Variants in INPP5B observed in about 807,000 individuals in gnomAD.
INPP5B encodes the protein inositol polyphosphate-5-phosphatase B.
A neutral mutation model predicts 118.5 loss-of-function variants in INPP5B; 90 were observed. The observed-to-expected ratio is 0.76, with a 90% CI of 0.64 to 0.90. The LOEUF (loss-of-function observed/expected upper bound fraction) is 0.90, where lower values mean the gene tolerates loss of function less well. Among genes scored for constraint, INPP5B ranks in the 40% least tolerant of loss-of-function variants. The pLI, the probability that INPP5B is intolerant of heterozygous loss-of-function variation, is 0.00. For synonymous variants in INPP5B, 385 were observed against 418.9 expected, an observed-to-expected ratio of 0.92 and a Z score of 0.99; for missense variants, 984 against 1,125.6, an observed-to-expected ratio of 0.87 and a Z score of 1.80.
At chr1:37,900,263 T>G (rs1307671624) in intron 7 of INPP5B, among the ~76,000 whole-genome samples, 1 of 147,208 alleles carries the variant, frequency 6.8e-6, no homozygotes, top group African/African-American at 2.5e-5. Flanking sequence ...TGTTTTCGGT[T>G]TTTTTTTTTT....
chr1:37,872,966 T>G lies in INPP5B; in HGVS notation c.2151A>C (p.Pro717=). The part of the protein sequence containing the change: ...PIHTLCYMRE[P]ILDLPLETIS... Reference sequence around the variant, plus strand: ...TGGTTTCAAGTGGTAGGTCCAAGATTGGCTCTCTCATGTAACACAGTGTAT... The same window carrying G: ...TGGTTTCAAGTGGTAGGTCCAAGATGGGCTCTCTCATGTAACACAGTGTAT... Residue 717 remains proline, a synonymous_variant, in exon 19 of 24, where the codon CCA becomes CCC. Transcript: ENST00000373024. 6.2e-7 allele frequency: 1 copy of G among 1,614,142 alleles called. No individual in the cohort carries two copies. The highest frequency in any genetic ancestry group is 8.5e-7 in the Non-Finnish European group (1 of 1,180,006).
intron 7 of INPP5B, among the ~76,000 whole-genome samples, chr1:37,896,535 C>A (rs1570163545): frequency 7.0e-6 from 1 of 143,860 alleles, no homozygotes; most frequent in Non-Finnish European, 1.5e-5. Context: ...CTCTGCCCGG[C>A]CGCCCCTACT....
At chr1:37,930,682 A>C (rs1570358942) in intron 7 of INPP5B, 1 of 152,380 alleles carries the variant, frequency 6.6e-6, no homozygotes, top group Middle Eastern at 3.4e-3. Flanking sequence ...GATGGCTGCA[A>C]TGAAGGAGAA....
At position 37,945,836 on chromosome 1, in the gene INPP5B, C is replaced by A. The variant is rs1646091199; in HGVS notation, c.72G>T (p.Val24=). The A allele has an allele frequency of 1.9e-6, 3 of 1,613,984 alleles. No individual in the cohort carries two copies. The highest frequency in any genetic ancestry group is 2.5e-6 in the Non-Finnish European group (3 of 1,180,006). ...GEYCVIAVQG[V]LCEGDSRQSR... is the part of the protein sequence containing the mutation. ...TCTGCCGGCTGTCCCCCTCACACAG[C>A]ACACCTTGCACCGCCTGCGGCTCAG... is the stretch of plus-strand genomic sequence containing the variant. The change falls in exon 3 of 24, where the codon GTG becomes GTT. Residue 24 remains valine, a synonymous_variant. Transcript: ENST00000373024.
At chr1:37,889,991 CTAAT>C (rs1263235301) in intron 8 of INPP5B, among the ~76,000 whole-genome samples, 2 of 152,190 alleles carry the variant, frequency 1.3e-5, no homozygotes, top group Non-Finnish European at 2.9e-5. Flanking sequence ...TAAAGATAAT[CTAAT>C]TCCCTCAGTT....
Position 37,946,268 on chromosome 1 carries a change from C to A in INPP5B, c.41G>T (p.Gly14Val), listed in dbSNP as rs758512064. 3 of 1,611,690 alleles carry A rather than the reference C, an allele frequency of 1.9e-6. No homozygotes were observed. Among genetic ancestry groups the A allele is most frequent in the Non-Finnish European group, 2.5e-6 (3 of 1,178,996 alleles). Residue 14 changes from glycine (G) to valine (V), a missense_variant, in exon 2 of 24, where the codon GGG becomes GTG. Physicochemically the swap from Gly to Val is moderately radical, Grantham distance 109. Transcript: ENST00000373024. ...SVAIQETLAE[G>V]EYCVIAVQGV... ...GAAGGATATGATGACGCAGTATTCCCCCTCAGCCAGCGTCTCCTGGATTGC... is the reference window on the plus strand; with the variant it reads ...GAAGGATATGATGACGCAGTATTCCACCTCAGCCAGCGTCTCCTGGATTGC...
At chr1:37,876,045 C>G (rs1363248413) in intron 16 of INPP5B, among the ~76,000 whole-genome samples, 1 of 151,666 alleles carries the variant, frequency 6.6e-6, no homozygotes, top group Non-Finnish European at 1.5e-5. Context: ...TTGCTGCCAC[C>G]AACAGGCCAG....
At chr1:37,891,326 A>C in intron 8 of INPP5B, 32 bp downstream of exon 8, 3 of 1,520,404 alleles carry the variant, frequency 2.0e-6, no homozygotes, top group Non-Finnish European at 2.7e-6. Flanking sequence ...CCTCAGTCCT[A>C]CAAGGGACAA....
intron 2 of INPP5B, 90 bp from the exon 3 acceptor site, chr1:37,945,940 C>G: frequency 3.3e-6 from 4 of 1,210,302 alleles, no homozygotes; most frequent in Non-Finnish European, 1.2e-6. Flanking sequence ...CCTGCCCCCC[C>G]AGATTCACTG....
At chr1:37,863,102 G>A (rs1462462635) in intron 23 of INPP5B, among the ~76,000 whole-genome samples, 1 of 152,120 alleles carries the variant, frequency 6.6e-6, no homozygotes, top group African/African-American at 2.4e-5. Context: ...GTTGGAGGGT[G>A]TGGCCCGGTG....
intron 13 of INPP5B, among the ~76,000 whole-genome samples, chr1:37,885,317 G>C (rs2148504806): frequency 6.6e-6 from 1 of 152,200 alleles, no homozygotes; most frequent in East Asian, 1.9e-4. Flanking sequence ...AGGAGGCTGA[G>C]GCAGGAGAAC....
At chr1:37,894,838 G>A (rs899524163) in intron 7 of INPP5B, among the ~76,000 whole-genome samples, 1 of 152,092 alleles carries the variant, frequency 6.6e-6, no homozygotes, top group Admixed American at 6.6e-5. Flanking sequence ...CACTATACCC[G>A]GCCCCTGTGT....
chr1:37,931,288 A>G, intron 7 of INPP5B: 1 of 501,564 alleles, frequency 2.0e-6, no homozygotes. Flanking sequence ...ACTCTATCGT[A>G]GGCAGGGCAC....
intron 7 of INPP5B, among the ~76,000 whole-genome samples, chr1:37,921,365 C>A (rs980851872): frequency 2.0e-5 from 3 of 152,216 alleles, no homozygotes; most frequent in Non-Finnish European, 2.9e-5. Context: ...ATTCATAACA[C>A]AGGGCACCTG....
chr1:37,880,213 GAA>G lies in INPP5B; in HGVS notation c.1432-21_1432-20del, dbSNP rs755575012. On this transcript the variant is annotated intron_variant, in intron 14 of 23. Coordinates refer to ENST00000373024, the MANE Select transcript of INPP5B (RefSeq NM_005540.3). Reference sequence around the variant, plus strand: ...TTTTCAGCTATACAAAAGGATGGGAGAAAAAAAAATATCAGAATAAAAAGGTC... The same window carrying G: ...TTTTCAGCTATACAAAAGGATGGGAGAAAAAAATATCAGAATAAAAAGGTC... 2 of 1,492,062 alleles carry G rather than the reference GAA, an allele frequency of 1.3e-6. No homozygotes were observed. Among genetic ancestry groups the G allele is most frequent in the African/African-American group, 1.4e-5 (1 of 71,644 alleles). The allele number at this position is 1,492,062 out of a possible 1,614,324, so 92.4% of individuals were successfully genotyped here. A position where few individuals can be genotyped will look rare whatever the true frequency, so the allele number is the denominator to read the frequency against.
chr1:37,944,426 A>T (rs186229347), intron 3 of INPP5B, among the ~76,000 whole-genome samples: 2 of 151,800 alleles, frequency 1.3e-5, no homozygotes, highest in South Asian at 2.1e-4. Context: ...TATATTTTTT[A>T]AATTATTTGA....
At chr1:37,879,744 C>T (rs957846400) in intron 15 of INPP5B, among the ~76,000 whole-genome samples, 7 of 152,100 alleles carry the variant, frequency 4.6e-5, no homozygotes, top group African/African-American at 1.7e-4. Context: ...GATGACAGAG[C>T]AAGACTCTGT....
rs75048184 is a variant in INPP5B, at chr1:37,892,182, G to C, written c.533-728C>G. Among the ~76,000 whole-genome samples the C allele has an allele frequency of 2.5e-3, 383 of 152,246 alleles. 16 individuals carry two copies. The East Asian group carries it at 0.067, about 27-fold the overall frequency. ...GCCTTCTTCACAGGTTTAATGTAGG[G>C]TCAACTGAGTTGACATATGAGTAGG... On this transcript the variant is annotated intron_variant, in intron 7 of 23. Transcript: ENST00000373024.
rs35095328 is a variant in INPP5B at position 37,906,859 on chromosome 1, C to CA, written c.533-15406dup. ...TGGGCAACAGAGTAAGACTCTGTCTCAAAAAAAAAAAAAAGAAAGAAAGAA... is the reference window on the plus strand; with the variant it reads ...TGGGCAACAGAGTAAGACTCTGTCTCAAAAAAAAAAAAAAAGAAAGAAAGAA... On this transcript the variant is annotated intron_variant, in intron 7 of 23. Transcript: ENST00000373024. Among the ~76,000 whole-genome samples the CA allele has an allele frequency of 6.7e-4, 86 of 128,938 alleles. 1 individual carries two copies. Among genetic ancestry groups the CA allele is most frequent in the African/African-American group, 8.3e-4 (28 of 33,622 alleles). 84.6% of individuals were successfully genotyped at this position (128,938 alleles called of 152,430 possible). A position where few individuals can be genotyped will look rare whatever the true frequency, so the allele number is the denominator to read the frequency against.
Sources: allele counts gnomAD v4.1 joint callset (sites outside exome capture counted in the v4.1 genomes callset), GRCh38; gene constraint gnomAD v4.1.1; transcripts MANE v1.5; gene names NCBI Gene and HGNC (gene_info 2026-07-23, HGNC 2026-07-21).